Variants in FBN2 observed in about 807,000 individuals in gnomAD.
FBN2 encodes the protein fibrillin-2.
A neutral mutation model predicts 355.6 loss-of-function variants in FBN2; 105 were observed. That is an observed-to-expected ratio of 0.30 (90% CI 0.25 to 0.35). The LOEUF (loss-of-function observed/expected upper bound fraction) is 0.35, where lower values mean the gene tolerates loss of function less well. Among genes scored for constraint, FBN2 ranks in the 10% least tolerant of loss-of-function variants. The pLI is 1.00. For missense variants in FBN2, 3,280 were observed against 3,758.7 expected (o/e 0.87, Z 3.33); for synonymous variants, 1,350 against 1,301.2 (o/e 1.04, Z -0.81).
chr5:128,276,211 G>A, intron 58 of FBN2, 51 bp from the exon 59 acceptor site: 1 of 1,579,880 alleles, frequency 6.3e-7, no homozygotes, highest in Non-Finnish European at 8.7e-7. Flanking sequence ...GAAACAACCA[G>A]ACTCTTTCCT....
intron 62 of FBN2, among the ~76,000 whole-genome samples, chr5:128,268,700 T>C (rs1214747390): frequency 2.0e-5 from 3 of 152,290 alleles, no homozygotes; most frequent in South Asian, 4.1e-4. Flanking sequence ...CTTCATCCCT[T>C]TGATGCAAGG....
chr5:128,459,834 A>T (rs1402368125), intron 6 of FBN2, among the ~76,000 whole-genome samples: 1 of 152,202 alleles, frequency 6.6e-6, no homozygotes. Flanking sequence ...AGAGCTATTT[A>T]TGGCAAACCC....
At chr5:128,476,993 A>G in intron 5 of FBN2, among the ~76,000 whole-genome samples, 1 of 152,270 alleles carries the variant, frequency 6.6e-6, no homozygotes, top group East Asian at 1.9e-4. Context: ...AAGCATCAAT[A>G]ACAGCTTTTT....
chr5:128,349,516 T>C (rs371830282), intron 22 of FBN2, 44 bp from the exon 23 acceptor site: 14 of 1,607,012 alleles, frequency 8.7e-6, no homozygotes, highest in Admixed American at 5.1e-5. Context: ...ATGTTACAAA[T>C]AGAAAAAGCA....
intron 7 of FBN2, among the ~76,000 whole-genome samples, chr5:128,439,360 T>C (rs1019827338): frequency 1.8e-4 from 28 of 152,180 alleles, no homozygotes; most frequent in Admixed American, 1.4e-3. Flanking sequence ...ATCAGGAATT[T>C]GTGAGAGTGT....
chr5:128,374,529 C>T, intron 15 of FBN2, 99 bp downstream of exon 15: 1 of 1,509,504 alleles, frequency 6.6e-7, no homozygotes, highest in East Asian at 2.3e-5. Flanking sequence ...AGCATGTACT[C>T]TTCTTATGGT....
At chr5:128,504,477 T>C (rs1017008444) in intron 5 of FBN2, among the ~76,000 whole-genome samples, 3 of 152,156 alleles carry the variant, frequency 2.0e-5, no homozygotes, top group Admixed American at 6.5e-5. Context: ...CCCAAGACCA[T>C]GGGGACCCAC....
chr5:128,344,371 C>A lies in FBN2; in HGVS notation c.3343+14G>T, dbSNP rs1389936754. On this transcript the variant is annotated intron_variant, in intron 25 of 64. Transcript: ENST00000262464. ...AGCCAGAGTTTATCAAATAAAACAG[C>A]AGAACCATCTTACCCGTGCAGTTTC... The A allele has an allele frequency of 2.5e-6, 4 of 1,613,880 alleles. No individual in the cohort carries two copies. In the South Asian group the frequency reaches 3.3e-5, roughly 13 times the overall value.
At chr5:128,354,333 G>T (rs961079313) in intron 20 of FBN2, among the ~76,000 whole-genome samples, 12 of 152,130 alleles carry the variant, frequency 7.9e-5, no homozygotes, top group Non-Finnish European at 1.6e-4. Context: ...AGGCTGAGGG[G>T]GTGGGAGGCA....
chr5:128,467,153 C>T (rs904377165), intron 5 of FBN2, among the ~76,000 whole-genome samples: 1 of 152,056 alleles, frequency 6.6e-6, no homozygotes. Context: ...TCTAACTACA[C>T]CTTAAACTTA....
Position 128,310,046 on chromosome 5 carries a change from C to T in FBN2, c.5137G>A (p.Gly1713Arg). ...GGTGGGCAAATGCAGGTGTAATTTC[C>T]CAGGGTGTTATAGCAGGTCCCAGGC... is the stretch of plus-strand genomic sequence containing the variant. The part of the protein sequence containing the change: ...CGPGTCYNTL[G>R]NYTCICPPEY... The change falls in exon 40 of 65, where the codon GGA becomes AGA. Residue 1713 changes from glycine (G) to arginine (R), a missense_variant. Physicochemically the swap from Gly to Arg is moderately radical, Grantham distance 125. Transcript: ENST00000262464. 1.2e-6 allele frequency: 2 copies of T among 1,613,768 alleles called. No individual in the cohort carries two copies. Among genetic ancestry groups the T allele is most frequent in the East Asian group, 4.5e-5 (2 of 44,870 alleles).
chr5:128,360,312 ACT>A, intron 19 of FBN2, among the ~76,000 whole-genome samples: 1 of 152,136 alleles, frequency 6.6e-6, no homozygotes, highest in Non-Finnish European at 1.5e-5. Context: ...GAAAATAGAG[ACT>A]CTGTAGTTGA....
Position 128,453,999 on chromosome 5 carries a change from C to A in FBN2, c.827-7393G>T, listed in dbSNP as rs3805660. Among the ~76,000 whole-genome samples, 2,714 of 151,474 alleles carry A rather than the reference C, an allele frequency of 0.018. 155 individuals carry two copies. The East Asian group carries it at 0.25, about 14-fold the overall frequency. ...TACTCAGAAATGGCTTGCCCCCCCC[C>A]CAAGTTTCTCCTTCCATTACCCTCT... On this transcript the variant is annotated intron_variant, in intron 6 of 64. Coordinates refer to ENST00000262464, the MANE Select transcript of FBN2 (RefSeq NM_001999.4).
chr5:128,500,706 A>C (rs1581351891), intron 5 of FBN2, among the ~76,000 whole-genome samples: 1 of 152,070 alleles, frequency 6.6e-6, no homozygotes. Flanking sequence ...GGCCTCCTAA[A>C]GTGCTGGGAT....
At chr5:128,369,077 A>T in intron 16 of FBN2, 105 bp downstream of exon 16, 1 of 1,166,706 alleles carries the variant, frequency 8.6e-7, no homozygotes, top group Non-Finnish European at 1.3e-6. Flanking sequence ...TTCTTCAGTT[A>T]AAATTAATGA....
chr5:128,337,980 T>C lies in FBN2; in HGVS notation c.3598+17A>G. On this transcript the variant is annotated intron_variant, in intron 27 of 64. Coordinates refer to ENST00000262464, the MANE Select transcript of FBN2 (RefSeq NM_001999.4). ...AGTTGTGCTGGGCAGGTTTATGTGC[T>C]GAGGAGATAAACTCACCCACACAGT... The C allele has an allele frequency of 6.2e-7, 1 of 1,613,726 alleles. No individual in the cohort carries two copies. Among genetic ancestry groups the C allele is most frequent in the South Asian group, 1.1e-5 (1 of 91,056 alleles).
intron 6 of FBN2, among the ~76,000 whole-genome samples, chr5:128,451,051 T>G (rs1429554242): frequency 6.6e-6 from 1 of 152,192 alleles, no homozygotes; most frequent in Non-Finnish European, 1.5e-5. Context: ...TGTGTTTTTC[T>G]GCATCTTGTT....
intron 3 of FBN2, 75 bp downstream of exon 3, chr5:128,530,520 A>G (rs925074353): frequency 7.6e-5 from 72 of 949,250 alleles, no homozygotes; most frequent in Non-Finnish European, 1.1e-4. Flanking sequence ...ACTCCCTGGC[A>G]CATAGAAGGA....
At chr5:128,452,383 T>A (rs1754273701) in intron 6 of FBN2, among the ~76,000 whole-genome samples, 1 of 152,190 alleles carries the variant, frequency 6.6e-6, no homozygotes, top group Non-Finnish European at 1.5e-5. Flanking sequence ...TGCAATAACG[T>A]CAGTCCATGT....
Sources: gnomAD v4.1 joint callset for allele counts (sites outside exome capture counted in the v4.1 genomes callset) on GRCh38, gnomAD v4.1.1 for gene constraint, MANE v1.5 for transcripts, NCBI Gene and HGNC (gene_info 2026-07-23, HGNC 2026-07-21) for gene names.